DSE: variants seen among roughly 807,000 people sequenced by gnomAD.
DSE encodes dermatan sulfate epimerase.
A neutral mutation model predicts 84.4 loss-of-function variants in DSE; 36 were observed. The observed-to-expected ratio is 0.43, with a 90% CI of 0.33 to 0.56. The LOEUF (loss-of-function observed/expected upper bound fraction) is 0.56. Ranked by LOEUF, DSE falls within the 20% of genes least tolerant of loss-of-function variation. DSE has a pLI of 0.06. For synonymous variants in DSE, 410 were observed against 430.1 expected (o/e 0.95, Z 0.58); for missense variants, 862 against 1,169.6 (o/e 0.74, Z 3.84).
intron 2 of DSE, among the ~76,000 whole-genome samples, chr6:116,332,168 A>G (rs1357902178): frequency 6.6e-6 from 1 of 152,240 alleles, no homozygotes; most frequent in African/African-American, 2.4e-5. Flanking sequence ...TAATCATAAT[A>G]GGATCAAAAA....
Position 116,394,432 on chromosome 6 carries a change from A to C in DSE, c.-53-4766A>C, listed in dbSNP as rs565440345. Reference sequence around the variant, plus strand: ...TTGCTATCTGAATTATAGCAGTAACAGCGTGATTTTTTTTTTTTTTAAAGA... The same window carrying C: ...TTGCTATCTGAATTATAGCAGTAACCGCGTGATTTTTTTTTTTTTTAAAGA... On this transcript the variant is annotated intron_variant, in intron 1 of 5. Transcript: ENST00000644252. Among the ~76,000 whole-genome samples the C allele has an allele frequency of 2.4e-4, 34 of 143,790 alleles. No homozygotes were observed. In the South Asian group the frequency reaches 6.1e-3, roughly 26 times the overall value. The allele number at this position is 143,790 out of a possible 152,430, so 94.3% of individuals were successfully genotyped here.
rs1163592064 is a variant in DSE, at chr6:116,440,442, C to G, written c.*3097C>G. 6.6e-6 allele frequency: 1 copy of G among 152,146 alleles called. No homozygotes were observed. The highest frequency in any genetic ancestry group is 1.5e-5 in the Non-Finnish European group (1 of 68,030). 9.4% of individuals were successfully genotyped at this position (152,146 alleles called of 1,614,324 possible). The stretch of plus-strand genomic sequence containing the variant: ...CCTTCCAAAGTACTGGGATTAGAGG[C>G]ATAGGTCATCATGCCCGGCCAAGTT... On this transcript the variant is annotated 3_prime_UTR_variant, in exon 6 of 6. Transcript: ENST00000644252.
upstream of DSE, among the ~76,000 whole-genome samples, chr6:116,365,400 C>T (rs1428344512): frequency 6.6e-6 from 1 of 152,072 alleles, no homozygotes; most frequent in Non-Finnish European, 1.5e-5. Context: ...ACTACAAGCA[C>T]CCACCACCAC....
intron 2 of DSE, among the ~76,000 whole-genome samples, chr6:116,409,267 ATTTGTTTT>A (rs112492860): frequency 9.9e-5 from 15 of 151,984 alleles, no homozygotes; most frequent in East Asian, 3.9e-4. Context: ...AGTTTACTGT[ATTTGTTTT>A]TTTGTTTTTT....
At chr6:116,255,990 C>T (rs1772125481) in intron 1 of DSE, 1 of 152,214 alleles carries the variant, frequency 6.6e-6, no homozygotes, top group Non-Finnish European at 1.5e-5. Flanking sequence ...TCACTCATAA[C>T]CACCTGGCCA....
chr6:116,373,322 C>T (rs1237509325), intron 1 of DSE, among the ~76,000 whole-genome samples: 3 of 152,194 alleles, frequency 2.0e-5, no homozygotes, highest in African/African-American at 7.2e-5. Context: ...GAGATTGTGC[C>T]ACTGCACTCC....
intron 2 of DSE, among the ~76,000 whole-genome samples, chr6:116,331,759 C>T (rs1302504121): frequency 6.6e-6 from 1 of 152,094 alleles, no homozygotes; most frequent in Non-Finnish European, 1.5e-5. Flanking sequence ...GGAATCGAGA[C>T]CATCATGGCC....
At chr6:116,254,580 A>G (rs1019657708) in intron 1 of DSE, among the ~76,000 whole-genome samples, 6 of 152,232 alleles carry the variant, frequency 3.9e-5, no homozygotes, top group Non-Finnish European at 7.3e-5. Context: ...CTGAAAGGCA[A>G]ACTTCTCTCA....
At chr6:116,309,321 TAC>T (rs1775528732) in intron 2 of DSE, among the ~76,000 whole-genome samples, 2 of 132,268 alleles carry the variant, frequency 1.5e-5, no homozygotes, top group African/African-American at 7.2e-5. Context: ...TACACATACA[TAC>T]ATACATACAT....
intron 1 of DSE, among the ~76,000 whole-genome samples, chr6:116,254,667 A>G (rs990856522): frequency 2.6e-5 from 4 of 152,274 alleles, no homozygotes; most frequent in Admixed American, 2.6e-4. Flanking sequence ...GCCAACATCT[A>G]CAAAACAAGT....
intron 2 of DSE, chr6:116,400,226 T>G (rs1238939338): frequency 6.6e-6 from 1 of 152,222 alleles, no homozygotes; most frequent in East Asian, 1.9e-4. Flanking sequence ...TAATTTAGTT[T>G]CGAAGTTTAA....
chr6:116,259,198 T>G, intron 2 of DSE: 2 of 658,798 alleles, frequency 3.0e-6, no homozygotes, highest in Non-Finnish European at 5.3e-6. Flanking sequence ...CAAACTTACT[T>G]GTAATTTAAA....
chr6:116,315,268 C>T (rs1775900967), intron 2 of DSE, among the ~76,000 whole-genome samples: 1 of 152,066 alleles, frequency 6.6e-6, no homozygotes, highest in Admixed American at 6.6e-5. Context: ...AATCAATACA[C>T]ACATACTCTC....
chr6:116,363,590 TAACTC>T (rs1265647442), intron 2 of DSE, among the ~76,000 whole-genome samples: 1 of 152,086 alleles, frequency 6.6e-6, no homozygotes, highest in Non-Finnish European at 1.5e-5. Flanking sequence ...AGAGGAAAAA[TAACTC>T]AAGATGGGTG....
intron 2 of DSE, among the ~76,000 whole-genome samples, chr6:116,358,556 G>A (rs1778703305): frequency 6.6e-6 from 1 of 152,212 alleles, no homozygotes; most frequent in Non-Finnish European, 1.5e-5. Context: ...TTTCGTTGAT[G>A]AGCTGATAGC....
intron 2 of DSE, among the ~76,000 whole-genome samples, chr6:116,281,847 C>G (rs1413217295): frequency 6.6e-6 from 1 of 152,218 alleles, no homozygotes; most frequent in Non-Finnish European, 1.5e-5. Flanking sequence ...TGCTCTCCTT[C>G]CTATCTGCCA....
At chr6:116,424,685 G>A (rs1289496328) in intron 2 of DSE, among the ~76,000 whole-genome samples, 1 of 152,102 alleles carries the variant, frequency 6.6e-6, no homozygotes, top group Non-Finnish European at 1.5e-5. Context: ...TTCTAGGAGG[G>A]GAAACATATA....
At chr6:116,263,058 C>T (rs1379290104) in intron 2 of DSE, among the ~76,000 whole-genome samples, 3 of 152,006 alleles carry the variant, frequency 2.0e-5, no homozygotes, top group African/African-American at 7.2e-5. Context: ...AGAGTATATG[C>T]CATGTGGGAA....
intron 2 of DSE, among the ~76,000 whole-genome samples, chr6:116,340,551 A>G (rs1252771913): frequency 1.3e-5 from 2 of 152,188 alleles, no homozygotes; most frequent in African/African-American, 2.4e-5. Flanking sequence ...TAGGTTTGAT[A>G]CATAGGTATA....
Sources: allele counts gnomAD v4.1 joint callset (sites outside exome capture counted in the v4.1 genomes callset), GRCh38; gene constraint gnomAD v4.1.1; transcripts MANE v1.5; gene names NCBI Gene and HGNC (gene_info 2026-07-23, HGNC 2026-07-21).